The following CTTN variants were observed in gnomAD, a reference collection of about 807,000 sequenced individuals.
CTTN encodes cortactin, also known as src substrate cortactin.
In CTTN, 28 loss-of-function variants were observed where a neutral mutation model predicts 84.0. That is an observed-to-expected ratio of 0.33 (90% CI 0.25 to 0.46). CTTN has a LOEUF of 0.46. Among genes scored for constraint, CTTN ranks in the 20% least tolerant of loss-of-function variants. The probability of loss-of-function intolerance (pLI) is 1.00; values close to 1 mark genes in which losing one functional copy is unlikely to be tolerated. For missense variants in CTTN, 641 were observed against 723.8 expected (o/e 0.89, Z 1.31); for synonymous variants, 301 against 288.8 (o/e 1.04, Z -0.43).
Position 70,433,811 on chromosome 11 carries a change from A to G in CTTN, c.1516+93A>G, listed in dbSNP as rs1376956135. ...GAGAATTCACTTCTCTAGCGTTGTT[A>G]GTTTTAGAAGTAATTTATGTTGAGA... On this transcript the variant is annotated intron_variant, in intron 17 of 17. Coordinates refer to ENST00000301843, the MANE Select transcript of CTTN (RefSeq NM_005231.4). 6 of 854,088 alleles carry G rather than the reference A, an allele frequency of 7.0e-6. No homozygotes were observed. In the African/African-American group the frequency reaches 8.4e-5, roughly 12 times the overall value. 52.9% of individuals were successfully genotyped at this position (854,088 alleles called of 1,614,324 possible). A position where few individuals can be genotyped will look rare whatever the true frequency, so the allele number is the denominator to read the frequency against.
intron 13 of CTTN, among the ~76,000 whole-genome samples, chr11:70,427,616 G>T (rs1331512215): frequency 6.6e-6 from 1 of 152,258 alleles, no homozygotes; most frequent in Non-Finnish European, 1.5e-5. Context: ...GCCCAAGCGT[G>T]CCAGGCAGTG....
intron 12 of CTTN, 53 bp from the exon 13 acceptor site, chr11:70,425,279 G>A: frequency 7.0e-7 from 1 of 1,419,776 alleles, no homozygotes; most frequent in Non-Finnish European, 9.8e-7. Flanking sequence ...CTACCACAGG[G>A]CATGGAGAAA....
At chr11:70,406,270 G>A (rs771293767) in intron 2 of CTTN, among the ~76,000 whole-genome samples, 15 of 152,184 alleles carry the variant, frequency 9.9e-5, no homozygotes, top group Non-Finnish European at 2.1e-4. Flanking sequence ...TTGAGACCCA[G>A]CCAGGCTGGA....
At chr11:70,406,360 A>G (rs2058041199) in intron 2 of CTTN, among the ~76,000 whole-genome samples, 1 of 152,150 alleles carries the variant, frequency 6.6e-6, no homozygotes, top group African/African-American at 2.4e-5. Flanking sequence ...GAGTCCCAAC[A>G]TGGCACCTGA....
chr11:70,431,325 A>G, intron 15 of CTTN, 45 bp downstream of exon 15: 1 of 1,587,208 alleles, frequency 6.3e-7, no homozygotes, highest in Admixed American at 1.7e-5. Flanking sequence ...ACTTACTGCC[A>G]GAGCCCAGGT....
rs532179729 is a variant in CTTN, at chr11:70,413,632, G to A, written c.292-910G>A. 1.5e-3 allele frequency among the ~76,000 whole-genome samples: 230 copies of A among 152,214 alleles called. 1 individual carries two copies. Among genetic ancestry groups the A allele is most frequent in the Non-Finnish European group, 1.0e-3 (71 of 68,018 alleles). On this transcript the variant is annotated intron_variant, in intron 5 of 17. Coordinates refer to ENST00000301843, the MANE Select transcript of CTTN (RefSeq NM_005231.4). Reference sequence around the variant, plus strand: ...TTGGGCTTTACCTGCTGGCTTTGGCGAACAGAAGGTCCCCAAACCTGTGTG... The same window carrying A: ...TTGGGCTTTACCTGCTGGCTTTGGCAAACAGAAGGTCCCCAAACCTGTGTG...
chr11:70,421,177 G>A (rs989112359), intron 10 of CTTN, among the ~76,000 whole-genome samples: 2 of 152,190 alleles, frequency 1.3e-5, no homozygotes, highest in Non-Finnish European at 2.9e-5. Flanking sequence ...TGCGTAGGAC[G>A]CTAAGAATGA....
chr11:70,433,725 G>T lies in CTTN; in HGVS notation c.1516+7G>T, dbSNP rs766153640. On this transcript the variant is annotated splice_region_variant and intron_variant, in intron 17 of 17. Coordinates refer to ENST00000301843, the MANE Select transcript of CTTN (RefSeq NM_005231.4). ...CTGTACGACTACCAGGCTGGTGAGCGGCCTGCAAAAGCACTTGGAGGGGAG... is the reference window on the plus strand; with the variant it reads ...CTGTACGACTACCAGGCTGGTGAGCTGCCTGCAAAAGCACTTGGAGGGGAG... The T allele has an allele frequency of 1.2e-6, 2 of 1,610,000 alleles. No homozygotes were observed. Among genetic ancestry groups the T allele is most frequent in the African/African-American group, 2.7e-5 (2 of 74,804 alleles).
intron 14 of CTTN, 63 bp from the exon 15 acceptor site, chr11:70,431,128 G>A (rs1406032767): frequency 6.6e-6 from 10 of 1,512,072 alleles, no homozygotes; most frequent in Admixed American, 5.0e-5. Context: ...TCTGAAACAC[G>A]GCAGGCGTGA....
chr11:70,431,246 C>T lies in CTTN; in HGVS notation c.1232C>T (p.Thr411Ile), dbSNP rs769137964. The change falls in exon 15 of 18, where the codon ACC becomes ATC. Residue 411 changes from threonine (T) to isoleucine (I), a missense_variant. By Grantham distance (89) the Thr-to-Ile change is moderately conservative. Coordinates refer to ENST00000301843, the MANE Select transcript of CTTN (RefSeq NM_005231.4). ...TPPVSPAPQP[T>I]EERLPSSPVY... The stretch of plus-strand genomic sequence containing the variant: ...CCTGTGTCGCCCGCACCTCAGCCAA[C>T]CGAGGAGAGGCTGCCCTCGAGCCCC... 6.2e-7 allele frequency: 1 copy of T among 1,614,170 alleles called. No individual in the cohort carries two copies. Among genetic ancestry groups the T allele is most frequent in the South Asian group, 1.1e-5 (1 of 91,088 alleles).
intron 4 of CTTN, among the ~76,000 whole-genome samples, chr11:70,408,504 C>T (rs749773591): frequency 6.6e-6 from 1 of 152,102 alleles, no homozygotes; most frequent in Non-Finnish European, 1.5e-5. Flanking sequence ...TTCAAGCGAT[C>T]CTCTCACCTC....
chr11:70,410,378 C>T (rs192313575), intron 5 of CTTN: 1 of 180,058 alleles, frequency 5.6e-6, no homozygotes, highest in African/African-American at 2.3e-5. Context: ...ACACGGAATC[C>T]AGCCAAAGGC....
At chr11:70,406,685 A>G (rs534336945) in intron 2 of CTTN, among the ~76,000 whole-genome samples, 1 of 152,330 alleles carries the variant, frequency 6.6e-6, no homozygotes, top group East Asian at 1.9e-4. Context: ...GCTGCCTGAT[A>G]GAGGAAAAGG....
chr11:70,420,022 A>C, intron 9 of CTTN, 166 bp downstream of exon 9: 1 of 634,684 alleles, frequency 1.6e-6, no homozygotes. Context: ...CACAGCTGCT[A>C]AATAGGAACT....
intron 7 of CTTN, 22 bp from the exon 8 acceptor site, chr11:70,416,991 A>G: frequency 1.3e-6 from 2 of 1,584,578 alleles, no homozygotes; most frequent in East Asian, 2.2e-5. Context: ...CCCCCGTGCT[A>G]ATTGCTGCCC....
rs770334765 is a variant in CTTN at position 70,433,693 on chromosome 11, C to G, written c.1491C>G (p.Ala497=). 8.7e-6 allele frequency: 14 copies of G among 1,613,694 alleles called. No individual in the cohort carries two copies. In the East Asian group the frequency reaches 2.9e-4, roughly 33 times the overall value. Residue 497 remains alanine, a synonymous_variant, in exon 17 of 18, where the codon GCC becomes GCG. Transcript: ENST00000301843. The stretch of plus-strand genomic sequence containing the variant: ...ACGAGAACGATCTGGGGATCACAGC[C>G]GTCGCCCTGTACGACTACCAGGCTG... The part of the protein sequence containing the change: ...DEYENDLGIT[A]VALYDYQAAG...
In CTTN at chr11:70,435,100, C is replaced by T. The variant is rs200712952; in HGVS notation, c.1591C>T (p.Arg531Cys). ...NIEMIDDGWW[R>C]GVCKGRYGLF... ...CGAGATGATTGACGACGGCTGGTGG[C>T]GCGGGGTGTGCAAGGGCCGGTACGG... Residue 531 changes from arginine to cysteine, a missense_variant, in exon 18 of 18, where the codon CGC becomes TGC. By Grantham distance (180) the Arg-to-Cys change is radical. Transcript: ENST00000301843. 2.7e-5 allele frequency: 44 copies of T among 1,613,788 alleles called. No homozygotes were observed. Among genetic ancestry groups the T allele is most frequent in the Non-Finnish European group, 1.4e-5 (16 of 1,180,034 alleles).
intron 13 of CTTN, 51 bp downstream of exon 13, chr11:70,425,452 T>C (rs1380875974): frequency 1.4e-6 from 2 of 1,404,112 alleles, no homozygotes; most frequent in Non-Finnish European, 2.0e-6. Context: ...AGGAAAACAC[T>C]GAGGGGAAGG....
rs976670690 is a variant in CTTN at position 70,405,308 on chromosome 11, T to C, written c.-54T>C. ...GCCTGGAAATTCCTCATTGGATTAC[T>C]GTGTTTTAAACAGAATTTCGTGAAC... On this transcript the variant is annotated 5_prime_UTR_variant, in exon 2 of 18. Coordinates refer to ENST00000301843, the MANE Select transcript of CTTN (RefSeq NM_005231.4). 6.6e-6 allele frequency: 1 copy of C among 152,216 alleles called. No homozygotes were observed. The highest frequency in any genetic ancestry group is 2.4e-5 in the African/African-American group (1 of 41,468). 9.4% of individuals were successfully genotyped at this position (152,216 alleles called of 1,614,324 possible). A position where few individuals can be genotyped will look rare whatever the true frequency, so the allele number is the denominator to read the frequency against.
Sources: allele counts gnomAD v4.1 joint callset (sites outside exome capture counted in the v4.1 genomes callset), GRCh38; gene constraint gnomAD v4.1.1; transcripts MANE v1.5; gene names NCBI Gene and HGNC (gene_info 2026-07-23, HGNC 2026-07-21).